RPS6KA2: variants seen among roughly 807,000 people sequenced by gnomAD.
The protein encoded by RPS6KA2 is ribosomal protein S6 kinase alpha-2.
A neutral mutation model predicts 91.8 loss-of-function variants in RPS6KA2; 42 were observed. The ratio of observed to expected loss-of-function variants is 0.46; its 90% CI spans 0.36 to 0.59. The LOEUF (loss-of-function observed/expected upper bound fraction) is 0.59. Ranked by LOEUF, RPS6KA2 falls within the 20% of genes least tolerant of loss-of-function variation. The probability of loss-of-function intolerance (pLI) is 0.00; values close to 1 mark genes in which losing one functional copy is unlikely to be tolerated. For missense variants in RPS6KA2, 798 were observed against 978.5 expected (o/e 0.82, Z 2.46); for synonymous variants, 414 against 393.6 (o/e 1.05, Z -0.61).
intron 2 of RPS6KA2, among the ~76,000 whole-genome samples, chr6:166,765,822 A>G (rs1325318835): frequency 6.6e-6 from 1 of 152,194 alleles, no homozygotes; most frequent in Non-Finnish European, 1.5e-5. Context: ...ATATAAAGAA[A>G]CAGTGATTAT....
intron 10 of RPS6KA2, among the ~76,000 whole-genome samples, chr6:166,471,565 T>C (rs1488718578): frequency 6.6e-6 from 1 of 152,190 alleles, no homozygotes; most frequent in Non-Finnish European, 1.5e-5. Flanking sequence ...TAGAAGGAAT[T>C]AGAGGAAGGG....
chr6:166,857,112 G>C (rs1780923924), intron 2 of RPS6KA2, among the ~76,000 whole-genome samples: 1 of 152,194 alleles, frequency 6.6e-6, no homozygotes, highest in Non-Finnish European at 1.5e-5. Context: ...AGCGACACTT[G>C]GCTTAAATGT....
chr6:166,460,456 C>T (rs1056126449), intron 11 of RPS6KA2, among the ~76,000 whole-genome samples: 4 of 152,044 alleles, frequency 2.6e-5, no homozygotes, highest in Non-Finnish European at 5.9e-5. Flanking sequence ...TGGAGGGAGC[C>T]GGGGGAGCCC....
At chr6:166,716,987 C>T (rs138020149) in intron 2 of RPS6KA2, among the ~76,000 whole-genome samples, 2 of 152,246 alleles carry the variant, frequency 1.3e-5, no homozygotes, top group South Asian at 4.1e-4. Context: ...AAGGACCTTG[C>T]TCATGGCTGT....
chr6:166,503,294 T>C (rs1274148012), intron 6 of RPS6KA2, among the ~76,000 whole-genome samples: 1 of 152,228 alleles, frequency 6.6e-6, no homozygotes, highest in African/African-American at 2.4e-5. Context: ...ATCAAGCACA[T>C]GGGCAAATGC....
intron 1 of RPS6KA2, among the ~76,000 whole-genome samples, chr6:166,615,191 A>G (rs554328859): frequency 6.6e-6 from 1 of 152,342 alleles, no homozygotes; most frequent in South Asian, 2.1e-4. Flanking sequence ...GATAATTAAC[A>G]TTCCCTCTCA....
chr6:166,561,837 A>G (rs969900693), intron 1 of RPS6KA2, among the ~76,000 whole-genome samples: 9 of 152,136 alleles, frequency 5.9e-5, no homozygotes, highest in Non-Finnish European at 1.2e-4. Flanking sequence ...TTTGAGAGGG[A>G]GGCTCTGGAG....
chr6:166,790,739 C>T (rs538512928), intron 2 of RPS6KA2, among the ~76,000 whole-genome samples: 118 of 152,290 alleles, frequency 7.7e-4, no homozygotes, highest in African/African-American at 2.8e-3. Flanking sequence ...ATTTTCAATG[C>T]AGAATTTCAT....
intron 2 of RPS6KA2, among the ~76,000 whole-genome samples, chr6:166,640,863 C>T (rs554774177): frequency 2.6e-5 from 4 of 151,928 alleles, no homozygotes; most frequent in East Asian, 3.9e-4. Flanking sequence ...GACTCAACGG[C>T]GTGACCTTGG....
intron 2 of RPS6KA2, among the ~76,000 whole-genome samples, chr6:166,728,579 C>A (rs955619202): frequency 3.3e-5 from 5 of 151,974 alleles, no homozygotes; most frequent in Admixed American, 3.3e-4. Flanking sequence ...CCCTCCTCCC[C>A]GTCAGCCAGA....
chr6:166,458,495 C>A (rs1180455634), intron 12 of RPS6KA2, among the ~76,000 whole-genome samples: 1 of 152,176 alleles, frequency 6.6e-6, no homozygotes, highest in East Asian at 1.9e-4. Context: ...TCAGGTATGT[C>A]TTTATCAGCA....
chr6:166,755,531 G>A (rs1000905294), intron 2 of RPS6KA2, among the ~76,000 whole-genome samples: 1 of 151,950 alleles, frequency 6.6e-6, no homozygotes, highest in African/African-American at 2.4e-5. Context: ...GCCCTGCTGC[G>A]CTCCACTCCT....
chr6:166,762,641 A>G (rs1396806691), intron 2 of RPS6KA2, among the ~76,000 whole-genome samples: 1 of 152,174 alleles, frequency 6.6e-6, no homozygotes, highest in Admixed American at 6.5e-5. Flanking sequence ...TCAGCCTCAC[A>G]TGAAAGTCCT....
At chr6:166,688,152 C>T (rs577541644) in intron 2 of RPS6KA2, among the ~76,000 whole-genome samples, 2 of 152,080 alleles carry the variant, frequency 1.3e-5, no homozygotes, top group South Asian at 2.1e-4. Context: ...CTCTGGAAGG[C>T]GAAGGAGCTG....
Position 166,533,321 on chromosome 6 carries a change from T to G in RPS6KA2, c.217-2008A>C, listed in dbSNP as rs556600213. Among the ~76,000 whole-genome samples the G allele has an allele frequency of 6.6e-6, 1 of 152,252 alleles. No individual in the cohort carries two copies. The highest frequency in any genetic ancestry group is 1.9e-4 in the East Asian group (1 of 5,174). ...TGGAGATCAGGACCAGCCAGGACAG[T>G]GCAGGGAGGAGGCAGGCGCAGCCCA... On this transcript the variant is annotated intron_variant, in intron 2 of 20. Coordinates refer to ENST00000265678, the MANE Select transcript of RPS6KA2 (RefSeq NM_021135.6). This position sits in a 1 kb window ranked among gnomAD's most constrained non-coding sequence, Gnocchi z 4.0.
chr6:166,593,154 A>G (rs991190761), intron 1 of RPS6KA2, among the ~76,000 whole-genome samples: 1 of 152,226 alleles, frequency 6.6e-6, no homozygotes, highest in Non-Finnish European at 1.5e-5. Flanking sequence ...AGGAGAATTC[A>G]GGGGCCCTTA....
At chr6:166,504,485 C>A in intron 6 of RPS6KA2, 21 bp downstream of exon 6, 1 of 1,471,438 alleles carries the variant, frequency 6.8e-7, no homozygotes, top group Non-Finnish European at 9.4e-7. Flanking sequence ...GGGAAGTCAG[C>A]CCTAGTTTTT....
In RPS6KA2 at chr6:166,770,621, C is replaced by T. The variant is rs1475511864; in HGVS notation, c.123+87579G>A. Among the ~76,000 whole-genome samples, 1 of 152,224 alleles carries T rather than the reference C, an allele frequency of 6.6e-6. No individual in the cohort carries two copies. The highest frequency in any genetic ancestry group is 1.5e-5 in the Non-Finnish European group (1 of 68,042). Reference sequence around the variant, plus strand: ...GACATCCTCAGTTTAGCACGCAAGGCAGCCCCTGCTGTACAAGGACATTAC... The same window carrying T: ...GACATCCTCAGTTTAGCACGCAAGGTAGCCCCTGCTGTACAAGGACATTAC... On this transcript the variant is annotated intron_variant, in intron 2 of 21. Transcript: ENST00000503859. This position sits in a 1 kb window ranked among gnomAD's most constrained non-coding sequence, Gnocchi z 5.1.
chr6:166,697,347 C>T (rs1390007942), intron 2 of RPS6KA2, among the ~76,000 whole-genome samples: 2 of 152,158 alleles, frequency 1.3e-5, no homozygotes, highest in Non-Finnish European at 2.9e-5. Flanking sequence ...GCAGAATGTC[C>T]CCTGGGCATG....
Sources: gnomAD v4.1 joint callset for allele counts (sites outside exome capture counted in the v4.1 genomes callset) on GRCh38, gnomAD v4.1.1 for gene constraint, Gnocchi (gnomAD v3.1) non-coding constraint, MANE v1.5 for transcripts, NCBI Gene and HGNC (gene_info 2026-07-23, HGNC 2026-07-21) for gene names.